DNAH5: variants seen among roughly 807,000 people sequenced by gnomAD.
The protein encoded by DNAH5 is dynein axonemal heavy chain 5.
Under a neutral mutation model 518.2 loss-of-function variants are expected in DNAH5, and 372 were observed. The ratio of observed to expected loss-of-function variants is 0.72; its 90% CI spans 0.66 to 0.78. DNAH5 has a LOEUF of 0.78. DNAH5 is among the 30% of genes least tolerant of loss of function. The pLI is 0.00. For synonymous variants in DNAH5, 2,039 were observed against 2,025.9 expected (o/e 1.01, Z -0.17); for missense variants, 5,523 against 5,687.0 (o/e 0.97, Z 0.93).
At chr5:13,897,515 A>T (rs1472795916) in intron 15 of DNAH5, 1 of 152,240 alleles carries the variant, frequency 6.6e-6, no homozygotes, top group Non-Finnish European at 1.5e-5. Context: ...ATTAGCCTGT[A>T]CTTGGTCTTC....
At chr5:13,906,113 G>A (rs1195166689) in intron 12 of DNAH5, among the ~76,000 whole-genome samples, 2 of 152,062 alleles carry the variant, frequency 1.3e-5, no homozygotes, top group Admixed American at 6.6e-5. Flanking sequence ...GAGAGGGAAG[G>A]ATGAATAGGT....
intron 31 of DNAH5, among the ~76,000 whole-genome samples, chr5:13,846,867 T>C (rs73055833): frequency 0.024 from 3,645 of 152,322 alleles, 140 homozygotes; most frequent in African/African-American, 0.083. Flanking sequence ...ATGTTTATAA[T>C]GTTTACTTTT....
chr5:13,906,841 A>T (rs925224548), intron 12 of DNAH5, among the ~76,000 whole-genome samples: 3 of 152,234 alleles, frequency 2.0e-5, no homozygotes, highest in Non-Finnish European at 4.4e-5. Flanking sequence ...TTCGTGGAAA[A>T]GATATAGACT....
chr5:13,868,658 G>GA (rs1453961794), intron 24 of DNAH5, among the ~76,000 whole-genome samples: 1 of 152,158 alleles, frequency 6.6e-6, no homozygotes, highest in African/African-American at 2.4e-5. Context: ...TAATTTGGGG[G>GA]AAAACATTGT....
intron 1 of DNAH5, among the ~76,000 whole-genome samples, chr5:13,968,044 T>C (rs1220924935): frequency 6.6e-6 from 1 of 152,214 alleles, no homozygotes; most frequent in Admixed American, 6.5e-5. Context: ...CTTGGTTAGG[T>C]TTACTCCTAA....
chr5:13,964,043 C>T (rs1323441342), intron 1 of DNAH5, among the ~76,000 whole-genome samples: 1 of 152,202 alleles, frequency 6.6e-6, no homozygotes, highest in Non-Finnish European at 1.5e-5. Context: ...CCCTGGCCAC[C>T]TCTACATAAG....
intron 1 of DNAH5, among the ~76,000 whole-genome samples, chr5:13,968,811 G>A (rs1262353042): frequency 6.6e-6 from 1 of 152,112 alleles, no homozygotes; most frequent in Non-Finnish European, 1.5e-5. Flanking sequence ...TTTGGTATTA[G>A]GCTGATAGTG....
intron 62 of DNAH5, 122 bp from the exon 63 acceptor site, chr5:13,753,671 A>C: frequency 1.1e-6 from 1 of 896,196 alleles, no homozygotes; most frequent in Non-Finnish European, 1.7e-6. Context: ...CACAAATCAA[A>C]CTGGAGGCAC....
rs373474657 is a variant in DNAH5, at chr5:13,928,193, A to T, written c.193-15T>A. On this transcript the variant is annotated splice_polypyrimidine_tract_variant and intron_variant, in intron 2 of 78. Transcript: ENST00000265104. Reference sequence around the variant, plus strand: ...ATTCTTTCAATCTGGGAAAAAGAAAAAGGCAAGATAATGATTTTCAATCCA... The same window carrying T: ...ATTCTTTCAATCTGGGAAAAAGAAATAGGCAAGATAATGATTTTCAATCCA... 28 of 1,596,164 alleles carry T rather than the reference A, an allele frequency of 1.8e-5. No individual in the cohort carries two copies. Among genetic ancestry groups the T allele is most frequent in the Non-Finnish European group, 2.2e-5 (26 of 1,164,014 alleles).
intron 43 of DNAH5, among the ~76,000 whole-genome samples, chr5:13,812,625 G>T (rs1021780577): frequency 7.9e-5 from 12 of 151,952 alleles, no homozygotes; most frequent in African/African-American, 2.9e-4. Flanking sequence ...TTTTTTAACA[G>T]AAAACAAAGA....
chr5:13,762,444 T>C (rs940498007), intron 60 of DNAH5, among the ~76,000 whole-genome samples: 1 of 152,050 alleles, frequency 6.6e-6, no homozygotes, highest in African/African-American at 2.4e-5. Flanking sequence ...CAAGTTAACA[T>C]TGTGGAGGAA....
chr5:13,923,419 C>T lies in DNAH5; in HGVS notation c.299G>A (p.Gly100Glu). 3 of 1,614,092 alleles carry T rather than the reference C, an allele frequency of 1.9e-6. No homozygotes were observed. The highest frequency in any genetic ancestry group is 1.3e-5 in the African/African-American group (1 of 75,048). The change falls in exon 4 of 79, where the codon GGG becomes GAG. Residue 100 changes from glycine (G) to glutamate (E), a missense_variant. Gly to Glu is a moderately conservative substitution (Grantham distance 98, BLOSUM62 -2). Transcript: ENST00000265104. ...AETGQLGSLG[G>E]VNLVSGKIKK... ...AATCTTTCCAGAAACAAGATTTACC[C>T]CTCCTAGAGAGCCAAGTTGTCCTAC... is the stretch of plus-strand genomic sequence containing the variant.
chr5:13,987,723 G>C (rs1016465256), intron 1 of DNAH5, among the ~76,000 whole-genome samples: 15 of 151,654 alleles, frequency 9.9e-5, no homozygotes, highest in Non-Finnish European at 2.2e-4. Context: ...GCATGGTGGC[G>C]CACGCCTATA....
At chr5:13,883,559 G>A (rs577072930) in intron 19 of DNAH5, among the ~76,000 whole-genome samples, 1 of 152,048 alleles carries the variant, frequency 6.6e-6, no homozygotes, top group South Asian at 2.1e-4. Context: ...TCCAAATGTG[G>A]AGCAGTTAAA....
intron 43 of DNAH5, among the ~76,000 whole-genome samples, chr5:13,813,391 G>A (rs1003217879): frequency 1.3e-5 from 2 of 148,924 alleles, no homozygotes; most frequent in African/African-American, 5.0e-5. Flanking sequence ...ATTTTCACTG[G>A]TAGTTTGCTG....
Position 13,840,961 on chromosome 5 carries a change from T to G in DNAH5, c.5654A>C (p.Lys1885Thr). 2 of 1,614,176 alleles carry G rather than the reference T, an allele frequency of 1.2e-6. No homozygotes were observed. The highest frequency in any genetic ancestry group is 1.7e-6 in the Non-Finnish European group (2 of 1,179,992). Residue 1885 changes from lysine (K) to threonine (T), a missense_variant, in exon 34 of 79, where the codon AAA (lysine) becomes ACA (threonine). Coordinates refer to ENST00000265104, the MANE Select transcript of DNAH5 (RefSeq NM_001369.3). The part of the protein sequence containing the change: ...TRDLSSTERV[K>T]YETLITIHVH... The stretch of plus-strand genomic sequence containing the variant: ...ATGAATAGTAATCAGAGTCTCGTAT[T>G]TCACTCGTTCCGTGGAACTCAGATC...
chr5:13,882,771 T>C lies in DNAH5; in HGVS notation c.3219A>G (p.Glu1073=), dbSNP rs2151938127. 1.2e-6 allele frequency: 2 copies of C among 1,614,180 alleles called. No homozygotes were observed. Among genetic ancestry groups the C allele is most frequent in the South Asian group, 2.2e-5 (2 of 91,090 alleles). ...CCATTTCAACATCAGAATCACTGTC[T>C]TCATTACTCTGCAAAGCAGCCATTT... ...ERKMAALQSN[E]DSDSDVEMGE... The change falls in exon 21 of 79, where the codon GAA becomes GAG. Residue 1073 remains glutamate, a synonymous_variant. Transcript: ENST00000265104.
chr5:13,716,293 A>C (rs1478126670), intron 74 of DNAH5, among the ~76,000 whole-genome samples, 194 bp downstream of exon 74: 2 of 152,232 alleles, frequency 1.3e-5, no homozygotes, highest in African/African-American at 4.8e-5. Context: ...CACAAAACAC[A>C]CACTCAGAAC....
At chr5:13,866,347 T>A in intron 25 of DNAH5, 65 bp from the exon 26 acceptor site, 1 of 1,297,700 alleles carries the variant, frequency 7.7e-7, no homozygotes, top group Non-Finnish European at 1.1e-6. Flanking sequence ...ATGAACTCAA[T>A]CCATATTTAA....
Sources: allele counts gnomAD v4.1 joint callset (sites outside exome capture counted in the v4.1 genomes callset), GRCh38; gene constraint gnomAD v4.1.1; transcripts MANE v1.5; gene names NCBI Gene and HGNC (gene_info 2026-07-23, HGNC 2026-07-21).